PCDHGA8: variants seen among roughly 807,000 people sequenced by gnomAD.
PCDHGA8 encodes the protein protocadherin gamma-A8.
Under a neutral mutation model 59.2 loss-of-function variants are expected in PCDHGA8, and 45 were observed. That is an observed-to-expected ratio of 0.76 (90% CI 0.60 to 0.98). The LOEUF is 0.98. PCDHGA8 is among the 50% of genes least tolerant of loss of function. PCDHGA8 has a pLI of 0.00. For synonymous variants in PCDHGA8, 531 were observed against 519.0 expected, an observed-to-expected ratio of 1.02 and a Z score of -0.32; for missense variants, 1,257 against 1,196.2, an observed-to-expected ratio of 1.05 and a Z score of -0.75.
chr5:141,423,782 C>A (rs1458189260), intron 1 of PCDHGA8: 2 of 1,243,328 alleles, frequency 1.6e-6, no homozygotes, highest in Non-Finnish European at 1.0e-6. Context: ...ATATTTAGTT[C>A]ATATATATTT....
chr5:141,400,674 T>A, intron 1 of PCDHGA8: 1 of 917,906 alleles, frequency 1.1e-6, no homozygotes, highest in Non-Finnish European at 1.7e-6. Flanking sequence ...AGAGGAGCAG[T>A]AAATTGTGAG....
Position 141,394,322 on chromosome 5 carries a change from G to C in PCDHGA8, c.1509G>C (p.Ser503=), listed in dbSNP as rs1438978424. The change falls in exon 1 of 4, where the codon TCG becomes TCC. Residue 503 remains serine (S), a synonymous_variant. Coordinates refer to ENST00000398604, the MANE Select transcript of PCDHGA8 (RefSeq NM_032088.2). ...CGCTGCAGGGGGCGCCCCTGTCCTCGTATATCTCCATCAACTCTGACACCG... is the reference window on the plus strand; with the variant it reads ...CGCTGCAGGGGGCGCCCCTGTCCTCCTATATCTCCATCAACTCTGACACCG... ...EDTLQGAPLS[S]YISINSDTGV... 3 of 1,613,842 alleles carry C rather than the reference G, an allele frequency of 1.9e-6. No homozygotes were observed. Among genetic ancestry groups the C allele is most frequent in the Non-Finnish European group, 2.5e-6 (3 of 1,179,910 alleles).
chr5:141,399,665 A>T, intron 1 of PCDHGA8: 14 of 1,613,648 alleles, frequency 8.7e-6, no homozygotes, highest in Non-Finnish European at 1.2e-5. Flanking sequence ...GTGTTCGCGC[A>T]GCGCGCCTTT....
chr5:141,451,809 A>C (rs1316571749), intron 1 of PCDHGA8, among the ~76,000 whole-genome samples: 1 of 150,308 alleles, frequency 6.7e-6, no homozygotes, highest in Non-Finnish European at 1.5e-5. Flanking sequence ...TGAACCCAGG[A>C]GGCGGAGGTT....
chr5:141,485,065 A>G lies in PCDHGA8; in HGVS notation c.2425-9742A>G, dbSNP rs527439590. On this transcript the variant is annotated intron_variant, in intron 1 of 3. Transcript: ENST00000398604. The surrounding 1 kb of genome is among the most constrained non-coding windows in gnomAD (Gnocchi z 5.7). ...TGCGGCGCCGGCCGAACCGCGCCAG[A>G]GCTGGCGCGGGGAAAGGGAGATAGG... The G allele has an allele frequency of 4.2e-5, 37 of 877,696 alleles. No individual in the cohort carries two copies. Among genetic ancestry groups the G allele is most frequent in the Non-Finnish European group, 6.5e-5 (36 of 552,826 alleles). The allele number at this position is 877,696 out of a possible 1,614,324, so 54.4% of individuals were successfully genotyped here. A position where few individuals can be genotyped will look rare whatever the true frequency, so the allele number is the denominator to read the frequency against.
At chr5:141,482,530 C>CTAAAAA in intron 1 of PCDHGA8, among the ~76,000 whole-genome samples, 1 of 76,560 alleles carries the variant, frequency 1.3e-5, no homozygotes, top group African/African-American at 4.8e-5. Context: ...GACAGACATG[C>CTAAAAA]AAAAAAAAAA....
rs1445450316 is a variant in PCDHGA8, at chr5:141,491,210, C to T, written c.2425-3597C>T. On this transcript the variant is annotated intron_variant, in intron 1 of 3. Coordinates refer to ENST00000398604, the MANE Select transcript of PCDHGA8 (RefSeq NM_032088.2). The surrounding 1 kb of genome is among the most constrained non-coding windows in gnomAD (Gnocchi z 6.9). ...AGGGACAATGGTGACCCTTCACTCT[C>T]CTCCACAGCCACAGTGCTGCTGGTT... The T allele has an allele frequency of 3.7e-6, 6 of 1,614,228 alleles. No homozygotes were observed. Among genetic ancestry groups the T allele is most frequent in the Non-Finnish European group, 3.4e-6 (4 of 1,180,032 alleles).
chr5:141,505,546 C>T (rs555460173), intron 3 of PCDHGA8, 65 bp downstream of exon 3: 36 of 1,608,242 alleles, frequency 2.2e-5, no homozygotes, highest in South Asian at 7.7e-5. Context: ...CATCTCACAG[C>T]CACCATGCCC....
intron 1 of PCDHGA8, chr5:141,478,905 G>T (rs1593970684): frequency 1.1e-6 from 1 of 930,214 alleles, no homozygotes; most frequent in East Asian, 2.7e-5. Flanking sequence ...GGAATAAGCT[G>T]CTGGATACCT....
rs147534370 is a variant in PCDHGA8 at position 141,511,170 on chromosome 5, G to A, written c.2796G>A (p.Lys932=). ...AGAAGTCGGGCAAGAAGGAGAAGAA[G>A]TAACATGGAGGCCAGGCCAAGAGCC... ...NKKKSGKKEK[K] The change falls in exon 4 of 4, where the codon AAG becomes AAA. Residue 932 remains lysine (K), a synonymous_variant. Coordinates refer to ENST00000398604, the MANE Select transcript of PCDHGA8 (RefSeq NM_032088.2). 1.9e-6 allele frequency: 3 copies of A among 1,613,988 alleles called. No homozygotes were observed. The highest frequency in any genetic ancestry group is 2.5e-6 in the Non-Finnish European group (3 of 1,179,990).
intron 1 of PCDHGA8, among the ~76,000 whole-genome samples, chr5:141,453,261 A>G (rs1387512741): frequency 6.6e-6 from 1 of 152,028 alleles, no homozygotes; most frequent in Non-Finnish European, 1.5e-5. Context: ...CTGCAAGTGC[A>G]CACCACCATG....
chr5:141,425,794 G>A (rs915736198), intron 1 of PCDHGA8, among the ~76,000 whole-genome samples: 23 of 152,074 alleles, frequency 1.5e-4, no homozygotes, highest in Non-Finnish European at 2.2e-4. Context: ...CTTCCAATAT[G>A]TGCATTGCTT....
chr5:141,479,838 C>T (rs539142918), intron 1 of PCDHGA8, among the ~76,000 whole-genome samples: 1 of 152,298 alleles, frequency 6.6e-6, no homozygotes, highest in African/African-American at 2.4e-5. Context: ...GGTATCCATG[C>T]AAGGTGACTG....
In PCDHGA8 at chr5:141,431,150, C is replaced by A. The variant is rs1007532359; in HGVS notation, c.2424+35913C>A. On this transcript the variant is annotated intron_variant, in intron 1 of 3. Transcript: ENST00000398604. The surrounding 1 kb of genome is among the most constrained non-coding windows in gnomAD (Gnocchi z 4.8). ...AGTAAGGGACATTAACGACAATGCGCCTTACTTTCGTGAAAGTGAATTAGA... is the reference window on the plus strand; with the variant it reads ...AGTAAGGGACATTAACGACAATGCGACTTACTTTCGTGAAAGTGAATTAGA... The A allele has an allele frequency of 1.2e-6, 2 of 1,614,226 alleles. No individual in the cohort carries two copies. The highest frequency in any genetic ancestry group is 1.7e-6 in the Non-Finnish European group (2 of 1,180,030).
rs141095222 is a variant in PCDHGA8, at chr5:141,496,668, C to T, written c.2483+1803C>T. Reference sequence around the variant, plus strand: ...CCCTTCCTTTGACCCCAGCTGTTGTCCTTCTCCCTGCTGGCCTTGCCAACC... The same window carrying T: ...CCCTTCCTTTGACCCCAGCTGTTGTTCTTCTCCCTGCTGGCCTTGCCAACC... On this transcript the variant is annotated intron_variant, in intron 2 of 3. Coordinates refer to ENST00000398604, the MANE Select transcript of PCDHGA8 (RefSeq NM_032088.2). Among the ~76,000 whole-genome samples the T allele has an allele frequency of 1.3e-3, 204 of 152,328 alleles. 1 individual carries two copies. The highest frequency in any genetic ancestry group is 5.6e-3 in the Admixed American group (85 of 15,298).
intron 1 of PCDHGA8, chr5:141,409,612 C>T: frequency 6.2e-7 from 1 of 1,613,908 alleles, no homozygotes; most frequent in Non-Finnish European, 8.5e-7. Flanking sequence ...CAGGAGCCTC[C>T]ATTGCGCAAG....
intron 1 of PCDHGA8, among the ~76,000 whole-genome samples, chr5:141,444,152 ATTTTTTTTTTTTTTTTTT>A (rs747671382): frequency 4.1e-4 from 14 of 33,898 alleles, no homozygotes; most frequent in South Asian, 2.1e-3. Flanking sequence ...TGTGTACTGG[ATTTTTTTTTTTTTTTTTT>A]TTTTTTTTTT....
chr5:141,458,386 G>T (rs1037969327), intron 1 of PCDHGA8, among the ~76,000 whole-genome samples: 2 of 152,070 alleles, frequency 1.3e-5, no homozygotes, highest in African/African-American at 2.4e-5. Flanking sequence ...GAAGGAAGAC[G>T]CTCCCCCTTG....
In PCDHGA8 at chr5:141,477,294, C is replaced by G. The variant is rs753131175; in HGVS notation, c.2425-17513C>G. On this transcript the variant is annotated intron_variant, in intron 1 of 3. Coordinates refer to ENST00000398604, the MANE Select transcript of PCDHGA8 (RefSeq NM_032088.2). This position sits in a 1 kb window ranked among gnomAD's most constrained non-coding sequence, Gnocchi z 4.9. ...GGGCTGGTGACCTGCGAAGTTCCACCGGGTCTCCCTTTCAGCCTTACTTCT... is the reference window on the plus strand; with the variant it reads ...GGGCTGGTGACCTGCGAAGTTCCACGGGGTCTCCCTTTCAGCCTTACTTCT... The G allele has an allele frequency of 2.1e-5, 34 of 1,614,024 alleles. No individual in the cohort carries two copies. Among genetic ancestry groups the G allele is most frequent in the Non-Finnish European group, 2.9e-5 (34 of 1,180,036 alleles).
Sources: gnomAD v4.1 joint callset for allele counts (sites outside exome capture counted in the v4.1 genomes callset) on GRCh38, gnomAD v4.1.1 for gene constraint, Gnocchi (gnomAD v3.1) non-coding constraint, MANE v1.5 for transcripts, NCBI Gene and HGNC (gene_info 2026-07-23, HGNC 2026-07-21) for gene names.